Variants in CDH9 observed in about 807,000 individuals in gnomAD.
CDH9 encodes the protein cadherin 9, also known as cadherin-9.
A neutral mutation model predicts 70.9 loss-of-function variants in CDH9; 28 were observed. The ratio of observed to expected loss-of-function variants is 0.40; its 90% CI spans 0.29 to 0.54. CDH9 has a LOEUF of 0.54. Ranked by LOEUF, CDH9 falls within the 20% of genes least tolerant of loss-of-function variation. The pLI is 0.59. For synonymous variants in CDH9, 409 were observed against 343.1 expected, an observed-to-expected ratio of 1.19 and a Z score of -2.12; for missense variants, 874 against 984.4, an observed-to-expected ratio of 0.89 and a Z score of 1.50.
At position 26,954,388 on chromosome 5, in the gene CDH9, C is replaced by CTTTTTTTTTTTTTTTTTTTTTTTTT; in HGVS notation, c.228+33717_228+33718insAAAAAAAAAAAAAAAAAAAAAAAAA. On this transcript the variant is annotated intron_variant, in intron 2 of 11. Transcript: ENST00000231021. ...AGCTTTTCGCTATTATACAGCCTTT[C>CTTTTTTTTTTTTTTTTTTTTTTTTT]TTTTTTTTTTTTTTGAGACATAGTC... is the stretch of plus-strand genomic sequence containing the variant. Among the ~76,000 whole-genome samples, 73 of 93,050 alleles carry CTTTTTTTTTTTTTTTTTTTTTTTTT rather than the reference C, an allele frequency of 7.8e-4. 11 individuals carry two copies. The highest frequency in any genetic ancestry group is 8.8e-3 in the Middle Eastern group (1 of 114). The allele number at this position is 93,050 out of a possible 152,430, so 61.0% of individuals were successfully genotyped here.
At chr5:27,026,407 T>C (rs183135607) in intron 1 of CDH9, among the ~76,000 whole-genome samples, 15 of 152,016 alleles carry the variant, frequency 9.9e-5, no homozygotes, top group African/African-American at 3.6e-4. Flanking sequence ...AATATTTCCT[T>C]CTCCTCATTT....
At chr5:26,901,806 A>C (rs927104250) in intron 7 of CDH9, among the ~76,000 whole-genome samples, 1 of 151,824 alleles carries the variant, frequency 6.6e-6, no homozygotes, top group Non-Finnish European at 1.5e-5. Context: ...AAACCTTTAA[A>C]ATGGTGAAAA....
At chr5:27,018,454 T>C (rs1743082781) in intron 1 of CDH9, among the ~76,000 whole-genome samples, 1 of 151,818 alleles carries the variant, frequency 6.6e-6, no homozygotes, top group Non-Finnish European at 1.5e-5. Context: ...ACAGCATTCA[T>C]TTCTAAGATT....
intron 2 of CDH9, among the ~76,000 whole-genome samples, chr5:26,979,454 T>A (rs374294006): frequency 6.7e-5 from 3 of 44,570 alleles, no homozygotes; most frequent in African/African-American, 2.0e-4. Flanking sequence ...AGAAAAAAAT[T>A]AAAAAAACAG....
At chr5:26,992,606 G>A (rs555737058) in intron 1 of CDH9, among the ~76,000 whole-genome samples, 117 of 152,196 alleles carry the variant, frequency 7.7e-4, no homozygotes, top group Non-Finnish European at 1.3e-3. Flanking sequence ...TACCAGAAGT[G>A]GGTTGCTACT....
chr5:26,962,763 T>G (rs1742059356), intron 2 of CDH9, among the ~76,000 whole-genome samples: 1 of 152,148 alleles, frequency 6.6e-6, no homozygotes, highest in African/African-American at 2.4e-5. Context: ...TTTATTATAC[T>G]TTAAGTTCTA....
At chr5:26,954,184 A>C (rs991342261) in intron 2 of CDH9, among the ~76,000 whole-genome samples, 1 of 152,082 alleles carries the variant, frequency 6.6e-6, no homozygotes, top group Admixed American at 6.5e-5. Context: ...CTGGATTACC[A>C]GGTCTCTGTT....
rs1380652968 is a variant in CDH9 at position 26,988,120 on chromosome 5, G to A, written c.214C>T (p.Gln72Ter). ...AAAATTCTTACCTTGCCTACATATT[G>A]TGTGTCAGTACCTGTGTACTCTTCC... ...LLEEYTGTDT[Q>*]YVGKLHTDQD... Residue 72 changes from glutamine to a stop codon, truncating the protein, a stop_gained, in exon 2 of 12, where the codon CAA (glutamine) becomes TAA (stop). Coordinates refer to ENST00000231021, the MANE Select transcript of CDH9 (RefSeq NM_016279.4). LOFTEE classifies it high-confidence loss of function. The A allele has an allele frequency of 6.2e-7, 1 of 1,608,064 alleles. No individual in the cohort carries two copies. The highest frequency in any genetic ancestry group is 8.5e-7 in the Non-Finnish European group (1 of 1,175,912).
intron 2 of CDH9, among the ~76,000 whole-genome samples, chr5:26,956,974 T>C (rs1313074829): frequency 6.7e-6 from 1 of 150,210 alleles, no homozygotes; most frequent in South Asian, 2.1e-4. Flanking sequence ...GTCATTAGCA[T>C]ATTGCAATGC....
chr5:26,997,362 G>T (rs1742684335), intron 1 of CDH9, among the ~76,000 whole-genome samples: 1 of 151,970 alleles, frequency 6.6e-6, no homozygotes, highest in Admixed American at 6.6e-5. Flanking sequence ...TTGGCCCCTT[G>T]AATGGAAATC....
At chr5:26,885,441 T>C (rs1740547375) in intron 11 of CDH9, among the ~76,000 whole-genome samples, 173 bp downstream of exon 11, 1 of 152,230 alleles carries the variant, frequency 6.6e-6, no homozygotes, top group Admixed American at 6.5e-5. Context: ...AAGCTGGGCC[T>C]ATCCCCACAC....
rs147922764 is a variant in CDH9 at position 26,992,437 on chromosome 5, C to T, written c.-49-4055G>A. ...TGTGAAGACACAGCAGAACAATGGC[C>T]ATCTATGAACCAGGAAACTGGTCCT... is the stretch of plus-strand genomic sequence containing the variant. On this transcript the variant is annotated intron_variant, in intron 1 of 11. Coordinates refer to ENST00000231021, the MANE Select transcript of CDH9 (RefSeq NM_016279.4). Among the ~76,000 whole-genome samples the T allele has an allele frequency of 8.7e-4, 133 of 152,260 alleles. No homozygotes were observed. The East Asian group carries it at 0.024, about 27-fold the overall frequency.
At chr5:26,932,998 GAT>G (rs1267444209) in intron 2 of CDH9, among the ~76,000 whole-genome samples, 1 of 145,750 alleles carries the variant, frequency 6.9e-6, no homozygotes, top group Non-Finnish European at 1.5e-5. Flanking sequence ...ATAAAATTTA[GAT>G]ATATTATTTG....
intron 2 of CDH9, among the ~76,000 whole-genome samples, chr5:26,952,852 T>C (rs1485418306): frequency 2.7e-5 from 4 of 146,714 alleles, no homozygotes; most frequent in African/African-American, 1.0e-4. Context: ...GGAATCTTGC[T>C]GGTTATAAGA....
chr5:26,919,676 A>G (rs1436724782), intron 2 of CDH9, among the ~76,000 whole-genome samples: 1 of 151,970 alleles, frequency 6.6e-6, no homozygotes, highest in Non-Finnish European at 1.5e-5. Flanking sequence ...CCTCTGCTTG[A>G]AAATAGGAGG....
chr5:26,940,455 G>T (rs1741640740), intron 2 of CDH9, among the ~76,000 whole-genome samples: 1 of 152,108 alleles, frequency 6.6e-6, no homozygotes, highest in Admixed American at 6.5e-5. Context: ...TGAAGAATAT[G>T]CAGGGCCAGG....
intron 1 of CDH9, among the ~76,000 whole-genome samples, chr5:27,026,814 T>C (rs973007744): frequency 1.3e-5 from 2 of 152,036 alleles, no homozygotes; most frequent in Admixed American, 1.3e-4. Context: ...AAATATACTG[T>C]TCAAATTAAT....
At chr5:26,997,863 C>A (rs1040165533) in intron 1 of CDH9, among the ~76,000 whole-genome samples, 13 of 152,156 alleles carry the variant, frequency 8.5e-5, no homozygotes, top group Middle Eastern at 3.4e-3. Context: ...TCATACCCAG[C>A]TAATTTTTGT....
chr5:26,985,053 A>G (rs1171840917), intron 2 of CDH9, among the ~76,000 whole-genome samples: 12 of 152,118 alleles, frequency 7.9e-5, no homozygotes, highest in Admixed American at 6.6e-4. Flanking sequence ...TGCTCCCAAC[A>G]TAACTGATTT....
Sources: allele counts gnomAD v4.1 joint callset (sites outside exome capture counted in the v4.1 genomes callset), GRCh38; gene constraint gnomAD v4.1.1; transcripts MANE v1.5; gene names NCBI Gene and HGNC (gene_info 2026-07-23, HGNC 2026-07-21).